Variants in SLAIN2 observed in about 807,000 individuals in gnomAD.
SLAIN2 encodes the protein SLAIN motif-containing protein 2.
In SLAIN2, 31 loss-of-function variants were observed where a neutral mutation model predicts 56.6. The ratio of observed to expected loss-of-function variants is 0.55; its 90% confidence interval spans 0.41 to 0.74. SLAIN2 has a LOEUF of 0.74. Ranked by LOEUF, SLAIN2 falls within the 30% of genes least tolerant of loss-of-function variation. The pLI is 0.00. For missense variants in SLAIN2, 777 were observed against 754.2 expected, an observed-to-expected ratio of 1.03 and a Z score of -0.35; for synonymous variants, 317 against 284.9, an observed-to-expected ratio of 1.11 and a Z score of -1.13.
intron 1 of SLAIN2, among the ~76,000 whole-genome samples, chr4:48,358,183 T>A (rs997831842): frequency 1.2e-4 from 18 of 152,354 alleles, no homozygotes; most frequent in African/African-American, 3.4e-4. Context: ...GAATGGAGAT[T>A]ATAATAATAC....
intron 1 of SLAIN2, among the ~76,000 whole-genome samples, chr4:48,352,646 A>G (rs1424778753): frequency 1.3e-5 from 2 of 152,200 alleles, no homozygotes; most frequent in East Asian, 1.9e-4. Context: ...CTTTGGGGCA[A>G]AATTACCACA....
intron 1 of SLAIN2, among the ~76,000 whole-genome samples, chr4:48,369,206 A>C (rs1443510371): frequency 6.6e-6 from 1 of 152,230 alleles, no homozygotes; most frequent in South Asian, 2.1e-4. Context: ...AACATGAAGT[A>C]GAAAATTTAT....
chr4:48,406,493 A>G (rs1468892200), intron 6 of SLAIN2, among the ~76,000 whole-genome samples: 3 of 149,290 alleles, frequency 2.0e-5, no homozygotes, highest in Non-Finnish European at 4.5e-5. Context: ...ACTGAAAACA[A>G]TTTTTACAAC....
At position 48,372,039 on chromosome 4, in the gene SLAIN2, T is replaced by C. The variant is rs557242856; in HGVS notation, c.538+2042T>C. On this transcript the variant is annotated intron_variant, in intron 2 of 7. Coordinates refer to ENST00000264313, the MANE Select transcript of SLAIN2 (RefSeq NM_020846.2). ...ATACATATATACACATATATATACA[T>C]ATACATATATACATATATATATATA... Among the ~76,000 whole-genome samples the C allele has an allele frequency of 2.1e-3, 278 of 133,536 alleles. 1 individual carries two copies. Among genetic ancestry groups the C allele is most frequent in the African/African-American group, 8.0e-3 (267 of 33,236 alleles). The allele number at this position is 133,536 out of a possible 152,430, so 87.6% of individuals were successfully genotyped here.
At chr4:48,343,752 GAGTAAC>G (rs1411411456) in intron 1 of SLAIN2, among the ~76,000 whole-genome samples, 2 of 152,160 alleles carry the variant, frequency 1.3e-5, no homozygotes, top group Admixed American at 6.5e-5. Context: ...AGGAAGATTT[GAGTAAC>G]AGAATTACTC....
chr4:48,369,761 C>T, intron 1 of SLAIN2, 88 bp from the exon 2 acceptor site: 2 of 1,203,938 alleles, frequency 1.7e-6, no homozygotes, highest in Non-Finnish European at 2.3e-6. Context: ...CTCCCTTCTC[C>T]CCTATTTAAA....
At position 48,396,705 on chromosome 4, in the gene SLAIN2, C is replaced by G. The variant is rs150496657; in HGVS notation, c.1360+12921C>G. The stretch of plus-strand genomic sequence containing the variant: ...ACAGGTGATAAATTGGCACACAAAT[C>G]AATTCATCCATCCTGGGGATGAACC... On this transcript the variant is annotated intron_variant, in intron 6 of 7. Coordinates refer to ENST00000264313, the MANE Select transcript of SLAIN2 (RefSeq NM_020846.2). Among the ~76,000 whole-genome samples, 702 of 152,198 alleles carry G rather than the reference C, an allele frequency of 4.6e-3. 6 individuals carry two copies. The highest frequency in any genetic ancestry group is 6.8e-3 in the Admixed American group (104 of 15,290).
intron 1 of SLAIN2, among the ~76,000 whole-genome samples, chr4:48,353,610 A>G (rs572675449): frequency 6.6e-6 from 1 of 152,352 alleles, no homozygotes; most frequent in East Asian, 1.9e-4. Flanking sequence ...TTACTGGAGT[A>G]AAGATCAAAG....
At chr4:48,409,056 T>C (rs1277896290) in intron 6 of SLAIN2, among the ~76,000 whole-genome samples, 2 of 152,174 alleles carry the variant, frequency 1.3e-5, no homozygotes, top group Non-Finnish European at 1.5e-5. Flanking sequence ...TAAAAATTTT[T>C]TGTGTGTACA....
In SLAIN2 at chr4:48,382,696, A is replaced by G. The variant is rs760951825; in HGVS notation, c.991A>G (p.Met331Val). 2 of 1,613,720 alleles carry G rather than the reference A, an allele frequency of 1.2e-6. No homozygotes were observed. Among genetic ancestry groups the G allele is most frequent in the Non-Finnish European group, 1.7e-6 (2 of 1,179,886 alleles). Residue 331 changes from methionine (M) to valine (V), a missense_variant, in exon 5 of 8, where the codon ATG becomes GTG. Transcript: ENST00000264313. ...AQSLDDEDDNMHHAVYPAVNR... is the reference protein window; with the variant it reads ...AQSLDDEDDNVHHAVYPAVNR... ...AAGTTTAGATGATGAAGATGACAAT[A>G]TGCATCATGCAGTATACCCTGCTGT...
At chr4:48,368,357 G>C (rs1715581143) in intron 1 of SLAIN2, among the ~76,000 whole-genome samples, 1 of 152,050 alleles carries the variant, frequency 6.6e-6, no homozygotes, top group African/African-American at 2.4e-5. Context: ...CACTGCACCC[G>C]GCCCTGCTTT....
chr4:48,394,410 A>G (rs1414271090), intron 6 of SLAIN2, among the ~76,000 whole-genome samples: 1 of 152,238 alleles, frequency 6.6e-6, no homozygotes, highest in African/African-American at 2.4e-5. Context: ...TGCACTAAGC[A>G]TCACTTTAAA....
At chr4:48,396,274 G>T (rs1214242554) in intron 6 of SLAIN2, among the ~76,000 whole-genome samples, 2 of 152,070 alleles carry the variant, frequency 1.3e-5, no homozygotes, top group Non-Finnish European at 2.9e-5. Flanking sequence ...GGTAAAGAAG[G>T]GGGAGGAGGG....
intron 6 of SLAIN2, chr4:48,394,599 C>T: frequency 1.3e-6 from 2 of 1,535,880 alleles, no homozygotes; most frequent in South Asian, 2.4e-5. Flanking sequence ...GAAAAATTTG[C>T]CTCGCACTTC....
chr4:48,412,743 T>C (rs1395472808), intron 6 of SLAIN2, among the ~76,000 whole-genome samples: 2 of 152,230 alleles, frequency 1.3e-5, no homozygotes, highest in African/African-American at 4.8e-5. Context: ...ACAATTTTTG[T>C]ATGCTTACAA....
At chr4:48,416,763 TA>T (rs1717006686) in intron 6 of SLAIN2, among the ~76,000 whole-genome samples, 1 of 144,850 alleles carries the variant, frequency 6.9e-6, no homozygotes, top group South Asian at 2.3e-4. Flanking sequence ...ACTGGGTACA[TA>T]ACGAAATGAA....
At chr4:48,405,419 C>G (rs1282301110) in intron 6 of SLAIN2, among the ~76,000 whole-genome samples, 7 of 151,692 alleles carry the variant, frequency 4.6e-5, no homozygotes, top group Non-Finnish European at 8.8e-5. Flanking sequence ...TTTCTTTTCT[C>G]TCTCTCTCTC....
chr4:48,397,633 T>C (rs1167105802), intron 6 of SLAIN2, among the ~76,000 whole-genome samples: 1 of 152,206 alleles, frequency 6.6e-6, no homozygotes, highest in South Asian at 2.1e-4. Flanking sequence ...CAGCATTCAT[T>C]AGCTATTCTT....
chr4:48,342,450 T>G (rs1180706739), intron 1 of SLAIN2, among the ~76,000 whole-genome samples: 2 of 152,188 alleles, frequency 1.3e-5, no homozygotes, highest in Non-Finnish European at 2.9e-5. Flanking sequence ...AACTGCTTTG[T>G]AGGCAGGGAT....
Sources: allele counts gnomAD v4.1 joint callset (sites outside exome capture counted in the v4.1 genomes callset), GRCh38; gene constraint gnomAD v4.1.1; transcripts MANE v1.5; gene names NCBI Gene and HGNC (gene_info 2026-07-23, HGNC 2026-07-21).